The following TEX14 variants were observed in gnomAD, a reference collection of about 807,000 sequenced individuals.
TEX14 encodes the protein testis expressed 14, intercellular bridge forming factor, also known as inactive serine/threonine-protein kinase TEX14.
Under a neutral mutation model 178.6 loss-of-function variants are expected in TEX14, and 168 were observed. The observed-to-expected ratio is 0.94, with a 90% CI of 0.83 to 1.07. The LOEUF (loss-of-function observed/expected upper bound fraction) is 1.07, where lower values mean the gene tolerates loss of function less well. Among genes scored for constraint, TEX14 ranks in the 50% least tolerant of loss-of-function variants. The pLI, the probability that TEX14 is intolerant of heterozygous loss-of-function variation, is 0.00. For synonymous variants in TEX14, 626 were observed against 634.1 expected (o/e 0.99, Z 0.19); for missense variants, 1,730 against 1,753.6 (o/e 0.99, Z 0.24).
chr17:58,631,410 GC>G (rs1372892330), intron 2 of TEX14, among the ~76,000 whole-genome samples: 3 of 152,228 alleles, frequency 2.0e-5, no homozygotes, highest in Admixed American at 2.0e-4. Context: ...CCGAAATTGT[GC>G]CATTGCACTC....
In TEX14 at chr17:58,572,177, C is replaced by T. The variant is rs559523530; in HGVS notation, c.3512-51G>A. 4.0e-5 allele frequency: 54 copies of T among 1,360,040 alleles called. No homozygotes were observed. The East Asian group carries it at 1.2e-3, about 29-fold the overall frequency. The allele number at this position is 1,360,040 out of a possible 1,614,324, so 84.2% of individuals were successfully genotyped here. ...TGTCTGAATCCTTTATATTATTTCT[C>T]CTTTTTTCCTTTTTCCCTTTGTTTT... On this transcript the variant is annotated intron_variant, in intron 23 of 31. Coordinates refer to ENST00000349033, the MANE Select transcript of TEX14 (RefSeq NM_031272.5).
intron 26 of TEX14, among the ~76,000 whole-genome samples, chr17:58,566,849 T>C (rs1034768724): frequency 6.8e-6 from 1 of 147,720 alleles, no homozygotes. Context: ...GCAAAGAATA[T>C]CCATCATTTC....
At position 58,613,488 on chromosome 17, in the gene TEX14, A is replaced by C; in HGVS notation, c.938T>G (p.Leu313Arg). ...CTCGTACACAAGGCGGGTTTTCTCTAGGTCCTGGGAGAGACACACAGCCAT... is the reference window on the plus strand; with the variant it reads ...CTCGTACACAAGGCGGGTTTTCTCTCGGTCCTGGGAGAGACACACAGCCAT... Reference protein sequence around the residue: ...QLMAVCLSQDLEKTRLVYERI... With the variant: ...QLMAVCLSQDREKTRLVYERI... The change falls in exon 9 of 32, where the codon CTA (leucine) becomes CGA (arginine). Residue 313 changes from leucine (L) to arginine (R), a missense_variant. Coordinates refer to ENST00000349033, the MANE Select transcript of TEX14 (RefSeq NM_031272.5). The C allele has an allele frequency of 6.2e-7, 1 of 1,614,122 alleles. No homozygotes were observed. The highest frequency in any genetic ancestry group is 1.1e-5 in the South Asian group (1 of 91,080).
chr17:58,587,998 G>A lies in TEX14; in HGVS notation c.2600C>T (p.Thr867Ile), dbSNP rs150732980. Residue 867 changes from threonine (T) to isoleucine (I), a missense_variant, in exon 16 of 32, where the codon ACT (threonine) becomes ATT (isoleucine). By Grantham distance (89) the Thr-to-Ile change is moderately conservative. Around this residue, in one of 2 missense-constraint regions of TEX14, gnomAD observed 941 missense variants for 1,072.4 expected, o/e 0.88. Coordinates refer to ENST00000349033, the MANE Select transcript of TEX14 (RefSeq NM_031272.5). Reference protein sequence around the residue: ...TSSQGRPRESTAQAKATQFNS... With the variant: ...TSSQGRPRESIAQAKATQFNS... ...AAACTGTGTGGCTTTGGCTTGGGCA[G>A]TGGACTCTCTAGGTCTTCCCTGGCT... 19 of 1,387,690 alleles carry A rather than the reference G, an allele frequency of 1.4e-5. No individual in the cohort carries two copies. In the African/African-American group the frequency reaches 2.7e-4, roughly 20 times the overall value. 86.0% of individuals were successfully genotyped at this position (1,387,690 alleles called of 1,614,324 possible).
chr17:58,652,149 A>G, intron 1 of TEX14, 147 bp from the exon 2 acceptor site: 1 of 601,644 alleles, frequency 1.7e-6, no homozygotes, highest in African/African-American at 1.9e-5. Context: ...TATGAGATTA[A>G]TGTTTTTCCT....
At chr17:58,601,764 C>T (rs2045453398) in intron 13 of TEX14, 42 bp downstream of exon 13, 1 of 1,586,686 alleles carries the variant, frequency 6.3e-7, no homozygotes. Context: ...TCTCAGAACA[C>T]ATTTGTGTCA....
chr17:58,687,257 G>A (rs552081904), intron 1 of TEX14, among the ~76,000 whole-genome samples: 1 of 152,210 alleles, frequency 6.6e-6, no homozygotes, highest in Non-Finnish European at 1.5e-5. Context: ...CTCAGCAGCT[G>A]ACCCCTTCTC....
In TEX14 at chr17:58,581,317, TA is replaced by T. The variant is rs879540710; in HGVS notation, c.3172-1587del. Among the ~76,000 whole-genome samples, 676 of 132,254 alleles carry T rather than the reference TA, an allele frequency of 5.1e-3. 2 individuals are homozygous for T. Among genetic ancestry groups the T allele is most frequent in the Middle Eastern group, 0.019 (5 of 268 alleles). The allele number at this position is 132,254 out of a possible 152,430, so 86.8% of individuals were successfully genotyped here. ...CAGAGCGAGACTCTATCTCAAAAAT[TA>T]AAAAAAAAAAAAAGTTTTGAAAAAA... is the stretch of plus-strand genomic sequence containing the variant. On this transcript the variant is annotated intron_variant, in intron 19 of 31. Transcript: ENST00000349033.
At chr17:58,592,328 C>T (rs1003050364) in intron 15 of TEX14, among the ~76,000 whole-genome samples, 25 of 150,136 alleles carry the variant, frequency 1.7e-4, no homozygotes, top group Admixed American at 1.7e-3. Context: ...CTCCTGGGTT[C>T]GAGTGATTCT....
chr17:58,690,204 T>C (rs1212413419), intron 1 of TEX14, among the ~76,000 whole-genome samples: 4 of 152,184 alleles, frequency 2.6e-5, no homozygotes, highest in Non-Finnish European at 4.4e-5. Context: ...TCTCGCTCTG[T>C]CGCCCAGATT....
chr17:58,667,723 A>G (rs1436827101), intron 1 of TEX14, among the ~76,000 whole-genome samples: 1 of 152,024 alleles, frequency 6.6e-6, no homozygotes, highest in Non-Finnish European at 1.5e-5. Flanking sequence ...TGTCTCTACT[A>G]AAAATACAAA....
chr17:58,629,759 C>T (rs2046237949), intron 3 of TEX14, among the ~76,000 whole-genome samples: 3 of 150,818 alleles, frequency 2.0e-5, no homozygotes, highest in African/African-American at 4.9e-5. Context: ...GGCGTGAACT[C>T]GGGAGGCAGA....
At chr17:58,557,918 C>G in intron 30 of TEX14, 68 bp from the exon 31 acceptor site, 1 of 1,168,762 alleles carries the variant, frequency 8.6e-7, no homozygotes, top group Non-Finnish European at 1.3e-6. Flanking sequence ...TGCCAGTATT[C>G]ATATTAGTGC....
At chr17:58,647,471 G>C (rs562268095) in intron 2 of TEX14, among the ~76,000 whole-genome samples, 85 of 151,358 alleles carry the variant, frequency 5.6e-4, no homozygotes, top group Admixed American at 3.2e-3. Flanking sequence ...GGCGGAGCTT[G>C]CAGTGAGCTG....
chr17:58,586,749 A>T (rs770374427), intron 17 of TEX14, among the ~76,000 whole-genome samples: 12 of 151,964 alleles, frequency 7.9e-5, no homozygotes, highest in African/African-American at 1.2e-4. Flanking sequence ...AAAAAAAAAA[A>T]CAATCAATTC....
Position 58,584,362 on chromosome 17 carries a change from C to T in TEX14, c.3171+138G>A, listed in dbSNP as rs560334102. The T allele has an allele frequency of 1.0e-4, 64 of 625,088 alleles. No individual in the cohort carries two copies. The South Asian group carries it at 1.2e-3, about 12-fold the overall frequency. The allele number at this position is 625,088 out of a possible 1,614,324, so 38.7% of individuals were successfully genotyped here. On this transcript the variant is annotated intron_variant, in intron 19 of 31. Transcript: ENST00000349033. Reference sequence around the variant, plus strand: ...GGAGGAAAGATTATTTTATTCATGTCAGTGACATGAAGGCACATGCTCCAG... The same window carrying T: ...GGAGGAAAGATTATTTTATTCATGTTAGTGACATGAAGGCACATGCTCCAG...
intron 3 of TEX14, 124 bp downstream of exon 3, chr17:58,630,316 A>G (rs1200243236): frequency 1.5e-5 from 10 of 660,296 alleles, no homozygotes; most frequent in Non-Finnish European, 2.3e-5. Flanking sequence ...TTGGCCTCCC[A>G]AAGTGCTGGG....
At chr17:58,676,236 C>T (rs544847107) in intron 1 of TEX14, among the ~76,000 whole-genome samples, 18 of 152,108 alleles carry the variant, frequency 1.2e-4, no homozygotes, top group African/African-American at 2.6e-4. Flanking sequence ...ATTAGCCAGG[C>T]GTGGTGGCAG....
chr17:58,606,114 G>C (rs1284901993), intron 10 of TEX14, among the ~76,000 whole-genome samples: 1 of 152,110 alleles, frequency 6.6e-6, no homozygotes, highest in Admixed American at 6.5e-5. Flanking sequence ...GCACTCAAGG[G>C]TTCACTCATA....
Sources: allele counts gnomAD v4.1 joint callset (sites outside exome capture counted in the v4.1 genomes callset), GRCh38; gene constraint gnomAD v4.1.1; regional missense constraint gnomAD v4.1.1; transcripts MANE v1.5; gene names NCBI Gene and HGNC (gene_info 2026-07-23, HGNC 2026-07-21).